CBL: variants seen among roughly 807,000 people sequenced by gnomAD.
The protein encoded by CBL is E3 ubiquitin-protein ligase CBL.
In CBL, 45 loss-of-function variants were observed where a neutral mutation model predicts 96.9. The observed-to-expected ratio is 0.46, with a 90% CI of 0.37 to 0.60. The LOEUF (loss-of-function observed/expected upper bound fraction) is 0.60. Ranked by LOEUF, CBL falls within the 20% of genes least tolerant of loss-of-function variation. The pLI is 0.00. For missense variants in CBL, 1,024 were observed against 1,143.5 expected, an observed-to-expected ratio of 0.90 and a Z score of 1.51; for synonymous variants, 420 against 426.8, an observed-to-expected ratio of 0.98 and a Z score of 0.20.
chr11:119,275,250 C>G (rs1484756579), intron 5 of CBL, among the ~76,000 whole-genome samples: 1 of 151,682 alleles, frequency 6.6e-6, no homozygotes, highest in Non-Finnish European at 1.5e-5. Flanking sequence ...ACCAGCCTGG[C>G]CAAAGTGGTA....
intron 12 of CBL, 148 bp downstream of exon 12, chr11:119,288,094 G>T: frequency 1.5e-6 from 1 of 662,128 alleles, no homozygotes; most frequent in Non-Finnish European, 2.7e-6. Flanking sequence ...ATGTTTTAGA[G>T]TATTTCCTTC....
rs1462266259 is a variant in CBL at position 119,302,758 on chromosome 11, TC to T, written c.*2980del. ...AAAACCTGTGGGCTCTTCATATACC[TC>T]CCTTTAGTTAAGTAATAGACCAGGC... is the stretch of plus-strand genomic sequence containing the variant. On this transcript the variant is annotated 3_prime_UTR_variant, in exon 16 of 16. Transcript: ENST00000264033. 1.3e-5 allele frequency: 3 copies of T among 230,800 alleles called. No individual in the cohort carries two copies. Among genetic ancestry groups the T allele is most frequent in the Non-Finnish European group, 2.6e-5 (3 of 116,570 alleles). 14.3% of individuals were successfully genotyped at this position (230,800 alleles called of 1,614,324 possible).
chr11:119,223,937 G>A (rs11217191), intron 1 of CBL, among the ~76,000 whole-genome samples: 31,228 of 151,858 alleles, frequency 0.21, 3,355 homozygotes, highest in East Asian at 0.27. Context: ...TTTTTTTTGA[G>A]ACTCTATCTC....
At chr11:119,266,129 G>A (rs187359261) in intron 2 of CBL, among the ~76,000 whole-genome samples, 2 of 152,114 alleles carry the variant, frequency 1.3e-5, no homozygotes, top group African/African-American at 2.4e-5. Context: ...CTGGGAGGTC[G>A]AGGCTGCAGT....
At chr11:119,220,633 G>C (rs529828124) in intron 1 of CBL, among the ~76,000 whole-genome samples, 9 of 152,226 alleles carry the variant, frequency 5.9e-5, no homozygotes. Flanking sequence ...TATAAAAACT[G>C]CATGGTTAAG....
rs774525434 is a variant in CBL, at chr11:119,278,315, G to A, written c.1227+18G>A. ...CCTGGCAGGTACGGATCTAAACAGC[G>A]ACTTTTTTCAGCTATGTAATAACCT... is the stretch of plus-strand genomic sequence containing the variant. On this transcript the variant is annotated intron_variant, in intron 8 of 15. Coordinates refer to ENST00000264033, the MANE Select transcript of CBL (RefSeq NM_005188.4). The A allele has an allele frequency of 1.9e-6, 3 of 1,613,586 alleles. No individual in the cohort carries two copies. Among genetic ancestry groups the A allele is most frequent in the Non-Finnish European group, 2.5e-6 (3 of 1,179,724 alleles).
chr11:119,223,626 ATTAT>A (rs2135259174), intron 1 of CBL, among the ~76,000 whole-genome samples: 1 of 146,196 alleles, frequency 6.8e-6, no homozygotes, highest in Non-Finnish European at 1.5e-5. Flanking sequence ...TATTTATTTT[ATTAT>A]TTATTTATTT....
chr11:119,220,577 C>T (rs996078122), intron 1 of CBL, among the ~76,000 whole-genome samples: 3 of 151,974 alleles, frequency 2.0e-5, no homozygotes, highest in Non-Finnish European at 2.9e-5. Context: ...CCAATGTGGG[C>T]GACAGAGTGA....
At chr11:119,259,017 G>A (rs1949732675) in intron 2 of CBL, among the ~76,000 whole-genome samples, 1 of 152,014 alleles carries the variant, frequency 6.6e-6, no homozygotes, top group African/African-American at 2.4e-5. Context: ...ATATTCCTAG[G>A]TTTTTATGTG....
chr11:119,216,376 ATTTATTTATTTT>A (rs1949360376), intron 1 of CBL, among the ~76,000 whole-genome samples: 1 of 149,818 alleles, frequency 6.7e-6, no homozygotes. Flanking sequence ...TTATTTATTT[ATTTATTTATTTT>A]TTGAGATGGA....
intron 1 of CBL, among the ~76,000 whole-genome samples, chr11:119,229,915 A>G (rs1949488417): frequency 6.6e-6 from 1 of 151,906 alleles, no homozygotes; most frequent in South Asian, 2.1e-4. Flanking sequence ...ATTCTTGATC[A>G]TTAGTCATTA....
At position 119,300,435 on chromosome 11, in the gene CBL, T is replaced by C; in HGVS notation, c.*654T>C. ...CCTCATCCTTCTTGGTGTTCTGTCATGGGCCATGGGCTTGCTATGGCCAGC... is the reference window on the plus strand; with the variant it reads ...CCTCATCCTTCTTGGTGTTCTGTCACGGGCCATGGGCTTGCTATGGCCAGC... On this transcript the variant is annotated 3_prime_UTR_variant, in exon 16 of 16. Coordinates refer to ENST00000264033, the MANE Select transcript of CBL (RefSeq NM_005188.4). 1 of 404,670 alleles carries C rather than the reference T, an allele frequency of 2.5e-6. No individual in the cohort carries two copies. Among genetic ancestry groups the C allele is most frequent in the East Asian group, 3.5e-5 (1 of 28,268 alleles). The allele number at this position is 404,670 out of a possible 1,614,324, so 25.1% of individuals were successfully genotyped here. A position where few individuals can be genotyped will look rare whatever the true frequency, so the allele number is the denominator to read the frequency against.
At position 119,301,248 on chromosome 11, in the gene CBL, C is replaced by T. The variant is rs967385013; in HGVS notation, c.*1467C>T. ...CATTCAGTGAATAAATTACTGTAGT[C>T]AAAGACAGTATGGGCTGGCAGTTTG... On this transcript the variant is annotated 3_prime_UTR_variant, in exon 16 of 16. Coordinates refer to ENST00000264033, the MANE Select transcript of CBL (RefSeq NM_005188.4). The T allele has an allele frequency of 8.6e-6, 2 of 233,138 alleles. 1 individual carries two copies. Among genetic ancestry groups the T allele is most frequent in the South Asian group, 3.6e-4 (2 of 5,524 alleles). The allele number at this position is 233,138 out of a possible 1,614,324, so 14.4% of individuals were successfully genotyped here. A position where few individuals can be genotyped will look rare whatever the true frequency, so the allele number is the denominator to read the frequency against.
chr11:119,228,023 G>A lies in CBL; in HGVS notation c.196-4425G>A, dbSNP rs1036565856. 2.0e-5 allele frequency among the ~76,000 whole-genome samples: 3 copies of A among 151,078 alleles called. No individual in the cohort carries two copies. The South Asian group carries it at 6.3e-4, about 32-fold the overall frequency. ...AACCTTTAACTTACAGCCTCCATAT[G>A]TACAAATTGGTCTCTGTCTGAACCT... On this transcript the variant is annotated intron_variant, in intron 1 of 15. Coordinates refer to ENST00000264033, the MANE Select transcript of CBL (RefSeq NM_005188.4).
intron 1 of CBL, among the ~76,000 whole-genome samples, chr11:119,231,623 G>A (rs905534777): frequency 2.2e-4 from 33 of 151,388 alleles, no homozygotes; most frequent in African/African-American, 6.3e-4. Flanking sequence ...CAGGAGAATC[G>A]CTTGAACCCG....
intron 1 of CBL, among the ~76,000 whole-genome samples, chr11:119,226,675 C>T (rs891967697): frequency 3.3e-5 from 5 of 152,054 alleles, no homozygotes; most frequent in African/African-American, 7.2e-5. Context: ...CCAGGCTGGT[C>T]TTGAACTCCT....
intron 1 of CBL, among the ~76,000 whole-genome samples, chr11:119,228,147 A>G (rs1046930308): frequency 1.3e-5 from 2 of 151,046 alleles, no homozygotes; most frequent in African/African-American, 4.9e-5. Context: ...ATAGAGTCTC[A>G]TTCCGTTGCC....
At chr11:119,270,436 ATTTTTTTTTTT>A (rs869150071) in intron 2 of CBL, among the ~76,000 whole-genome samples, 534 of 38,656 alleles carry the variant, frequency 0.014, 11 homozygotes, top group African/African-American at 0.052. Context: ...ATATATATAT[ATTTTTTTTTTT>A]TTTTTTTTTT....
chr11:119,219,594 T>G (rs866487917), intron 1 of CBL, among the ~76,000 whole-genome samples: 12 of 151,948 alleles, frequency 7.9e-5, no homozygotes, highest in African/African-American at 2.9e-4. Flanking sequence ...CCCCCTAAGA[T>G]AAAGGGGGAC....
Sources: allele counts gnomAD v4.1 joint callset (sites outside exome capture counted in the v4.1 genomes callset), GRCh38; gene constraint gnomAD v4.1.1; transcripts MANE v1.5; gene names NCBI Gene and HGNC (gene_info 2026-07-23, HGNC 2026-07-21).